Variants in SLK observed in about 807,000 individuals in gnomAD.
SLK encodes STE20-like serine/threonine-protein kinase.
In SLK, 67 loss-of-function variants were observed where a neutral mutation model predicts 147.7. The observed-to-expected ratio is 0.45, with a 90% CI of 0.37 to 0.56. The LOEUF is 0.56. Ranked by LOEUF, SLK falls within the 20% of genes least tolerant of loss-of-function variation. SLK has a pLI of 0.00. For missense variants in SLK, 1,136 were observed against 1,438.8 expected (o/e 0.79, Z 3.41); for synonymous variants, 441 against 475.0 (o/e 0.93, Z 0.93).
intron 1 of SLK, among the ~76,000 whole-genome samples, chr10:103,971,276 G>C (rs2864007): frequency 6.6e-6 from 1 of 151,654 alleles, no homozygotes; most frequent in Admixed American, 6.6e-5. Context: ...TGTTTTGTTT[G>C]TGTTTTGTTT....
At chr10:104,000,249 T>A (rs1483566603) in intron 7 of SLK, among the ~76,000 whole-genome samples, 1 of 152,174 alleles carries the variant, frequency 6.6e-6, no homozygotes, top group Non-Finnish European at 1.5e-5. Flanking sequence ...GTGAACTAAT[T>A]AATTAAAAAA....
At chr10:103,992,286 A>C (rs761397188) in intron 2 of SLK, among the ~76,000 whole-genome samples, 2 of 151,938 alleles carry the variant, frequency 1.3e-5, no homozygotes, top group Non-Finnish European at 2.9e-5. Context: ...AAAATCTTTC[A>C]TTGGTGACCA....
chr10:104,008,439 C>G (rs543091284), intron 12 of SLK, 83 bp downstream of exon 12: 2 of 891,280 alleles, frequency 2.2e-6, no homozygotes, highest in South Asian at 3.6e-5. Flanking sequence ...TTTAGGAATA[C>G]TAATAATACT....
At chr10:104,023,496 G>A (rs1454668672) in intron 18 of SLK, among the ~76,000 whole-genome samples, 1 of 152,126 alleles carries the variant, frequency 6.6e-6, no homozygotes, top group Non-Finnish European at 1.5e-5. Flanking sequence ...ATTTGGTGTT[G>A]TTTATATAGC....
intron 1 of SLK, among the ~76,000 whole-genome samples, chr10:103,980,870 G>A (rs892096018): frequency 1.3e-5 from 2 of 152,050 alleles, no homozygotes; most frequent in Non-Finnish European, 2.9e-5. Context: ...GATCTTGTAG[G>A]AATCTATTTT....
intron 2 of SLK, 152 bp downstream of exon 2, chr10:103,990,991 G>A (rs1249034457): frequency 1.7e-5 from 7 of 408,970 alleles, no homozygotes; most frequent in African/African-American, 1.2e-4. Context: ...TGATAAGAGA[G>A]TAATAACAAA....
intron 1 of SLK, among the ~76,000 whole-genome samples, chr10:103,988,407 G>A (rs527827762): frequency 1.3e-5 from 2 of 152,108 alleles, no homozygotes; most frequent in Non-Finnish European, 2.9e-5. Flanking sequence ...TTAACGGAAC[G>A]CTAAGCTTGT....
chr10:104,001,181 C>T (rs532209265), intron 7 of SLK, among the ~76,000 whole-genome samples: 72 of 151,618 alleles, frequency 4.7e-4, no homozygotes, highest in Non-Finnish European at 8.4e-4. Flanking sequence ...GTACCTACTA[C>T]CCAGATATAA....
chr10:104,002,194 C>T lies in SLK; in HGVS notation c.1016C>T (p.Ala339Val). The T allele has an allele frequency of 6.3e-7, 1 of 1,585,150 alleles. No homozygotes were observed. Among genetic ancestry groups the T allele is most frequent in the Non-Finnish European group, 8.6e-7 (1 of 1,165,806 alleles). The change falls in exon 9 of 19, where the codon GCA becomes GTA. Residue 339 changes from alanine to valine, a missense_variant. By Grantham distance (64) the Ala-to-Val change is moderately conservative. Transcript: ENST00000369755. ...TAGCCAATACCTGCAAGTAAGCGTG[C>T]ATCTTCTGACCTTAGTATCGCCAGC... ...NSLPIPASKR[A>V]SSDLSIASSE...
intron 1 of SLK, among the ~76,000 whole-genome samples, chr10:103,980,322 G>A (rs1023070410): frequency 6.6e-6 from 1 of 152,038 alleles, no homozygotes; most frequent in South Asian, 2.1e-4. Context: ...AAAATTTACT[G>A]TCTTGACTAT....
Position 104,008,119 on chromosome 10 carries a change from A to G in SLK, c.2605-58A>G, listed in dbSNP as rs756492397. On this transcript the variant is annotated intron_variant, in intron 11 of 18. Transcript: ENST00000369755. Reference sequence around the variant, plus strand: ...TGTTCTCTTAGGAAACATCTTTACTATAAGGTATTAATATGGGTGATGGAA... The same window carrying G: ...TGTTCTCTTAGGAAACATCTTTACTGTAAGGTATTAATATGGGTGATGGAA... 23 of 1,287,288 alleles carry G rather than the reference A, an allele frequency of 1.8e-5. No homozygotes were observed. In the East Asian group the frequency reaches 1.9e-4, roughly 10 times the overall value. The allele number at this position is 1,287,288 out of a possible 1,614,324, so 79.7% of individuals were successfully genotyped here.
In SLK at chr10:104,002,367, A is replaced by G. The variant is rs747651045; in HGVS notation, c.1189A>G (p.Ile397Val). 11 of 1,613,532 alleles carry G rather than the reference A, an allele frequency of 6.8e-6. No individual in the cohort carries two copies. In the Admixed American group the frequency reaches 1.5e-4, roughly 22 times the overall value. ...TDEPEKAVED[I>V]NEHITDAQLE... is the part of the protein sequence containing the mutation. Reference sequence around the variant, plus strand: ...TGAACCTGAAAAGGCTGTGGAGGATATTAATGAACATATTACCGATGCTCA... The same window carrying G: ...TGAACCTGAAAAGGCTGTGGAGGATGTTAATGAACATATTACCGATGCTCA... Residue 397 changes from isoleucine (I) to valine (V), a missense_variant, in exon 9 of 19, where the codon ATT becomes GTT. This residue lies in a region of SLK where 516 missense variants were observed against 531.3 expected (regional missense o/e 0.97). Transcript: ENST00000369755.
intron 12 of SLK, among the ~76,000 whole-genome samples, chr10:104,008,916 A>G (rs1020940362): frequency 3.3e-5 from 5 of 152,178 alleles, no homozygotes; most frequent in South Asian, 2.1e-4. Flanking sequence ...TTGACATGCT[A>G]TCTATAACTC....
rs762199744 is a variant in SLK, at chr10:104,005,681, C to T, written c.2470C>T (p.Arg824Trp). 3.7e-6 allele frequency: 6 copies of T among 1,610,130 alleles called. No individual in the cohort carries two copies. Among genetic ancestry groups the T allele is most frequent in the African/African-American group, 1.3e-5 (1 of 74,830 alleles). Residue 824 changes from arginine (R) to tryptophan (W), a missense_variant, in exon 10 of 19, where the codon CGG becomes TGG. By Grantham distance (101) the Arg-to-Trp change is moderately radical. Coordinates refer to ENST00000369755, the MANE Select transcript of SLK (RefSeq NM_014720.4). The part of the protein sequence containing the change: ...TDSDSKTEEL[R>W]FLRRQELREL... The stretch of plus-strand genomic sequence containing the variant: ...TAGTGATTCCAAAACTGAAGAATTG[C>T]GGTTTCTTAGGTGAGTAGAGAAACA...
intron 1 of SLK, among the ~76,000 whole-genome samples, chr10:103,969,695 G>C (rs907805779): frequency 7.2e-5 from 11 of 152,190 alleles, no homozygotes; most frequent in African/African-American, 2.4e-4. Flanking sequence ...TCATTGTAGT[G>C]GGAAGATCAC....
chr10:103,981,787 T>C (rs1247238671), intron 1 of SLK, among the ~76,000 whole-genome samples: 1 of 152,164 alleles, frequency 6.6e-6, no homozygotes, highest in African/African-American at 2.4e-5. Flanking sequence ...TTTGTTCTTT[T>C]TCAAGATTAT....
At chr10:104,019,084 A>T in intron 15 of SLK, 176 bp downstream of exon 15, 1 of 542,196 alleles carries the variant, frequency 1.8e-6, no homozygotes, top group Non-Finnish European at 3.1e-6. Flanking sequence ...ATGATTGCAA[A>T]CTTCTTTTCT....
In SLK at chr10:104,008,167, T is replaced by C. The variant is rs763585973; in HGVS notation, c.2605-10T>C. 1.9e-6 allele frequency: 3 copies of C among 1,603,604 alleles called. No individual in the cohort carries two copies. Among genetic ancestry groups the C allele is most frequent in the East Asian group, 2.2e-5 (1 of 44,812 alleles). ...GAAAAGTTATCATCTTGAGCTATAT[T>C]GTTTTACAGAGTAAAAAGCGACAAT... On this transcript the variant is annotated splice_polypyrimidine_tract_variant and intron_variant, in intron 11 of 18. Coordinates refer to ENST00000369755, the MANE Select transcript of SLK (RefSeq NM_014720.4).
At chr10:103,971,415 C>G (rs528469822) in intron 1 of SLK, among the ~76,000 whole-genome samples, 11 of 152,116 alleles carry the variant, frequency 7.2e-5, no homozygotes, top group Non-Finnish European at 1.2e-4. Flanking sequence ...GTTGGGATTA[C>G]AGGCACGCAC....
Sources: allele counts gnomAD v4.1 joint callset (sites outside exome capture counted in the v4.1 genomes callset), GRCh38; gene constraint gnomAD v4.1.1; regional missense constraint gnomAD v4.1.1; transcripts MANE v1.5; gene names NCBI Gene and HGNC (gene_info 2026-07-23, HGNC 2026-07-21).